Variants in CCDC3 observed in about 807,000 individuals in gnomAD.
CCDC3 encodes the protein coiled-coil domain containing 3.
In CCDC3, 24 loss-of-function variants were observed where a neutral mutation model predicts 21.4. The observed-to-expected ratio is 1.12, with a 90% CI of 0.81 to 1.58. The LOEUF is 1.58. CCDC3 is among the 40% of genes most tolerant of loss of function. The pLI is 0.00. For missense variants in CCDC3, 425 were observed against 360.9 expected (o/e 1.18, Z -1.44); for synonymous variants, 186 against 166.0 (o/e 1.12, Z -0.93).
rs75803721 is a variant in CCDC3, at chr10:12,916,234, C to T, written c.550-17555G>A. Among the ~76,000 whole-genome samples, 734 of 152,240 alleles carry T rather than the reference C, an allele frequency of 4.8e-3. 4 individuals carry two copies. The highest frequency in any genetic ancestry group is 6.9e-3 in the Non-Finnish European group (468 of 68,004). ...GGATCACAAGGGCAGGCGATTGAGACCAGCCTGGCCAACATGGTGAAACCC... is the reference window on the plus strand; with the variant it reads ...GGATCACAAGGGCAGGCGATTGAGATCAGCCTGGCCAACATGGTGAAACCC... On this transcript the variant is annotated intron_variant, in intron 2 of 2. Transcript: ENST00000378825.
chr10:13,054,154 CAAAAAA>C (rs71386143), intron 4 of CCDC3, among the ~76,000 whole-genome samples: 2 of 99,900 alleles, frequency 2.0e-5, no homozygotes, highest in East Asian at 6.7e-4. Flanking sequence ...GACTCTGTAT[CAAAAAA>C]AAAAAAAAAA....
intron 2 of CCDC3, among the ~76,000 whole-genome samples, chr10:12,965,799 G>A (rs1217811704): frequency 6.6e-6 from 1 of 152,232 alleles, no homozygotes; most frequent in Non-Finnish European, 1.5e-5. Context: ...AGAATGCCAA[G>A]TTGGCTCAGC....
At chr10:12,921,252 C>T (rs1395771820) in intron 2 of CCDC3, among the ~76,000 whole-genome samples, 5 of 152,202 alleles carry the variant, frequency 3.3e-5, no homozygotes, top group African/African-American at 4.8e-5. Flanking sequence ...TAAAAACTCA[C>T]AGTTAATGAA....
intron 5 of CCDC3, among the ~76,000 whole-genome samples, chr10:13,014,503 T>C (rs755051891): frequency 6.8e-6 from 1 of 147,620 alleles, no homozygotes; most frequent in Non-Finnish European, 1.5e-5. Context: ...GAGAAAGGCA[T>C]GCAAAAGACT....
At chr10:13,010,887 A>G (rs1835975796) in intron 5 of CCDC3, among the ~76,000 whole-genome samples, 1 of 152,180 alleles carries the variant, frequency 6.6e-6, no homozygotes, top group Non-Finnish European at 1.5e-5. Flanking sequence ...TCATCTATAA[A>G]ACGGTCACAA....
At chr10:13,020,824 A>T (rs1836135940) in intron 5 of CCDC3, among the ~76,000 whole-genome samples, 1 of 152,238 alleles carries the variant, frequency 6.6e-6, no homozygotes, top group Non-Finnish European at 1.5e-5. Context: ...TCATCTTACA[A>T]TGACTATGAG....
chr10:13,040,291 T>C (rs913824965), intron 5 of CCDC3, among the ~76,000 whole-genome samples: 32 of 152,218 alleles, frequency 2.1e-4, no homozygotes, highest in African/African-American at 7.2e-4. Flanking sequence ...GAATTTAATA[T>C]TTGTGACACC....
In CCDC3 at chr10:12,996,404, C is replaced by T. The variant is rs539554495; in HGVS notation, c.549+1934G>A. Reference sequence around the variant, plus strand: ...AGGCTGGAGTGCAATGGTGTGATCTCGGCTCACTGCAACCTCCGCCTCCTG... The same window carrying T: ...AGGCTGGAGTGCAATGGTGTGATCTTGGCTCACTGCAACCTCCGCCTCCTG... On this transcript the variant is annotated intron_variant, in intron 2 of 2. Coordinates refer to ENST00000378825, the MANE Select transcript of CCDC3 (RefSeq NM_031455.4). 2.0e-5 allele frequency among the ~76,000 whole-genome samples: 3 copies of T among 151,488 alleles called. No homozygotes were observed. In the South Asian group the frequency reaches 6.3e-4, roughly 32 times the overall value.
chr10:13,069,716 A>T (rs185851657), intron 4 of CCDC3, among the ~76,000 whole-genome samples: 100 of 152,338 alleles, frequency 6.6e-4, no homozygotes, highest in Non-Finnish European at 1.2e-3. Flanking sequence ...ATTTTAGAGA[A>T]TTATATTAAT....
chr10:13,000,514 T>G (rs1835830269), intron 1 of CCDC3, among the ~76,000 whole-genome samples: 1 of 152,198 alleles, frequency 6.6e-6, no homozygotes, highest in African/African-American at 2.4e-5. Flanking sequence ...CCCAGGATTT[T>G]ACCAGCAGCA....
rs1320857966 is a variant in CCDC3, at chr10:12,929,654, C to T, written c.550-30975G>A. The stretch of plus-strand genomic sequence containing the variant: ...CTCTCCAGTGACCCCCTCACCTTCC[C>T]TGCCTCCCCAGGCCCTTCCACATGG... On this transcript the variant is annotated intron_variant, in intron 2 of 2. Transcript: ENST00000378825. Among the ~76,000 whole-genome samples, 3 of 152,340 alleles carry T rather than the reference C, an allele frequency of 2.0e-5. No homozygotes were observed. The South Asian group carries it at 6.2e-4, about 32-fold the overall frequency.
At chr10:13,091,642 C>T (rs1412653300) in intron 3 of CCDC3, among the ~76,000 whole-genome samples, 1 of 152,220 alleles carries the variant, frequency 6.6e-6, no homozygotes, top group Non-Finnish European at 1.5e-5. Context: ...CCTTCAACAA[C>T]TCCCTTCATC....
chr10:13,074,481 C>A (rs61501949), intron 3 of CCDC3, among the ~76,000 whole-genome samples: 2 of 151,322 alleles, frequency 1.3e-5, no homozygotes, highest in Admixed American at 1.3e-4. Context: ...CCACCACAAC[C>A]GGCGGAATCA....
intron 3 of CCDC3, among the ~76,000 whole-genome samples, chr10:13,082,110 A>G (rs190673715): frequency 3.9e-5 from 6 of 152,338 alleles, no homozygotes; most frequent in Non-Finnish European, 7.4e-5. Flanking sequence ...GACACAAGAC[A>G]AAGTGATAGA....
chr10:13,033,091 T>C (rs1836326756), intron 5 of CCDC3, among the ~76,000 whole-genome samples: 1 of 152,164 alleles, frequency 6.6e-6, no homozygotes, highest in African/African-American at 2.4e-5. Context: ...CTTCAAACTA[T>C]ACTACAAGGC....
chr10:12,979,258 C>G (rs975843792), intron 2 of CCDC3, among the ~76,000 whole-genome samples: 9 of 152,114 alleles, frequency 5.9e-5, no homozygotes, highest in Non-Finnish European at 1.3e-4. Context: ...GAAGAATGCA[C>G]CACTGACTTT....
At chr10:13,047,270 T>G (rs1043976328) in intron 5 of CCDC3, among the ~76,000 whole-genome samples, 1 of 152,186 alleles carries the variant, frequency 6.6e-6, no homozygotes, top group Admixed American at 6.5e-5. Flanking sequence ...TACCCAAATT[T>G]GAAGCCCATG....
chr10:12,980,854 G>T (rs1390663964), intron 2 of CCDC3, among the ~76,000 whole-genome samples: 1 of 151,952 alleles, frequency 6.6e-6, no homozygotes, highest in African/African-American at 2.4e-5. Flanking sequence ...TTTGGAAACA[G>T]AACTCAGAAT....
chr10:13,030,010 G>T (rs1043214937), intron 5 of CCDC3, among the ~76,000 whole-genome samples: 4 of 152,068 alleles, frequency 2.6e-5, no homozygotes, highest in Admixed American at 2.6e-4. Context: ...GATACTCCTC[G>T]AGAAGAGCAA....
Sources: gnomAD v4.1 joint callset for allele counts (sites outside exome capture counted in the v4.1 genomes callset) on GRCh38, gnomAD v4.1.1 for gene constraint, MANE v1.5 for transcripts, NCBI Gene and HGNC (gene_info 2026-07-23, HGNC 2026-07-21) for gene names.